Variants in PAAF1 observed in about 807,000 individuals in gnomAD.
PAAF1 encodes proteasomal ATPase associated factor 1, also known as proteasomal ATPase-associated factor 1.
In PAAF1, 46 loss-of-function variants were observed where a neutral mutation model predicts 52.8. The observed-to-expected ratio is 0.87, with a 90% CI of 0.69 to 1.11. PAAF1 has a LOEUF of 1.11. Among genes scored for constraint, PAAF1 ranks in the 50% most tolerant of loss-of-function variants. The pLI is 0.00. For synonymous variants in PAAF1, 178 were observed against 172.8 expected, an observed-to-expected ratio of 1.03 and a Z score of -0.24; for missense variants, 424 against 477.4, an observed-to-expected ratio of 0.89 and a Z score of 1.04.
Position 73,897,874 on chromosome 11 carries a change from C to T in PAAF1, c.283-1272C>T, listed in dbSNP as rs577499689. On this transcript the variant is annotated intron_variant, in intron 4 of 11. Transcript: ENST00000310571. ...GTAGCGAGCCGAGATCACACCACTG[C>T]ACTCCAGCCTGGGGCACCATTGAGC... 7.2e-5 allele frequency among the ~76,000 whole-genome samples: 8 copies of T among 110,918 alleles called. No individual in the cohort carries two copies. The South Asian group carries it at 2.4e-3, about 33-fold the overall frequency. The allele number at this position is 110,918 out of a possible 152,430, so 72.8% of individuals were successfully genotyped here.
At chr11:73,892,436 C>G (rs1949226358) in intron 4 of PAAF1, among the ~76,000 whole-genome samples, 1 of 151,732 alleles carries the variant, frequency 6.6e-6, no homozygotes, top group East Asian at 1.9e-4. Flanking sequence ...AGGAGAATCA[C>G]TCATATTTCT....
chr11:73,898,056 G>C (rs995682418), intron 4 of PAAF1, among the ~76,000 whole-genome samples: 1 of 152,148 alleles, frequency 6.6e-6, no homozygotes, highest in Non-Finnish European at 1.5e-5. Flanking sequence ...GGCGGCGCGC[G>C]CCTGCAATTG....
intron 10 of PAAF1, chr11:73,921,646 C>T (rs941672216): frequency 4.9e-5 from 34 of 695,458 alleles, no homozygotes; most frequent in East Asian, 9.6e-5. Flanking sequence ...GGTGGCTGCC[C>T]GTGCTCCTTT....
intron 6 of PAAF1, among the ~76,000 whole-genome samples, chr11:73,908,891 C>G (rs538799281): frequency 6.6e-6 from 1 of 151,152 alleles, no homozygotes; most frequent in Admixed American, 6.6e-5. Flanking sequence ...CAGGTTCGAG[C>G]GATTCTCCTG....
chr11:73,907,609 C>T (rs902478656), intron 6 of PAAF1, among the ~76,000 whole-genome samples: 6 of 152,204 alleles, frequency 3.9e-5, no homozygotes, highest in Non-Finnish European at 8.8e-5. Context: ...AAACTGAGCT[C>T]ACTGCTAGAT....
intron 10 of PAAF1, among the ~76,000 whole-genome samples, chr11:73,919,751 G>A (rs371764877): frequency 1.3e-5 from 2 of 152,164 alleles, no homozygotes; most frequent in East Asian, 1.9e-4. Flanking sequence ...GAATGATGTA[G>A]GTCAGGAGGA....
At chr11:73,890,329 A>G (rs1317815544) in intron 3 of PAAF1, among the ~76,000 whole-genome samples, 1 of 152,186 alleles carries the variant, frequency 6.6e-6, no homozygotes, top group African/African-American at 2.4e-5. Context: ...ATGGTTACAA[A>G]TGGCCCTTAG....
At position 73,929,032 on chromosome 11, in the gene PAAF1, T is replaced by C. The variant is rs34590823; in HGVS notation, c.*1670T>C. 10,177 of 151,926 alleles carry C rather than the reference T, an allele frequency of 0.067. 398 individuals are homozygous for C. The highest frequency in any genetic ancestry group is 0.1 in the Middle Eastern group (30 of 294). 9.4% of individuals were successfully genotyped at this position (151,926 alleles called of 1,614,324 possible). A position where few individuals can be genotyped will look rare whatever the true frequency, so the allele number is the denominator to read the frequency against. ...CCGTACCCGGCCGGCCACCAGAGTT[T>C]TTAAAGGCGTATTCTCATGTAAATT... On this transcript the variant is annotated 3_prime_UTR_variant, in exon 12 of 12. Coordinates refer to ENST00000310571, the MANE Select transcript of PAAF1 (RefSeq NM_025155.3).
At chr11:73,910,834 C>G (rs1303398198) in intron 7 of PAAF1, among the ~76,000 whole-genome samples, 1 of 151,646 alleles carries the variant, frequency 6.6e-6, no homozygotes, top group Non-Finnish European at 1.5e-5. Flanking sequence ...ACTAAAAATA[C>G]AAAAAATTAG....
intron 10 of PAAF1, among the ~76,000 whole-genome samples, chr11:73,922,389 A>G (rs1950244827): frequency 6.6e-6 from 1 of 152,164 alleles, no homozygotes. Flanking sequence ...AGTTAATTAT[A>G]AAGGAAAAGC....
rs933704096 is a variant in PAAF1, at chr11:73,881,219, A to G, written c.88+2400A>G. The stretch of plus-strand genomic sequence containing the variant: ...TAAAAAAGCAATCTAAGAGCAAAAC[A>G]TCAACTGGGGTTTATATTTTTTTAG... On this transcript the variant is annotated intron_variant, in intron 2 of 11. Coordinates refer to ENST00000310571, the MANE Select transcript of PAAF1 (RefSeq NM_025155.3). Among the ~76,000 whole-genome samples, 5 of 152,242 alleles carry G rather than the reference A, an allele frequency of 3.3e-5. No individual in the cohort carries two copies. In the South Asian group the frequency reaches 1.0e-3, roughly 32 times the overall value.
chr11:73,913,843 A>G (rs12799686), intron 7 of PAAF1, among the ~76,000 whole-genome samples: 8,617 of 152,160 alleles, frequency 0.057, 273 homozygotes, highest in Middle Eastern at 0.099. Flanking sequence ...TTGTATCCCA[A>G]CTCCTAGTGT....
chr11:73,919,636 G>A (rs1950157206), intron 10 of PAAF1, among the ~76,000 whole-genome samples: 1 of 152,198 alleles, frequency 6.6e-6, no homozygotes, highest in South Asian at 2.1e-4. Context: ...GGTAAAGCGA[G>A]TATCTTAATG....
At chr11:73,909,283 T>C (rs1949861321) in intron 6 of PAAF1, 116 bp from the exon 7 acceptor site, 5 of 833,480 alleles carry the variant, frequency 6.0e-6, no homozygotes, top group Non-Finnish European at 9.4e-6. Flanking sequence ...CAGCATGTGG[T>C]ACCTGTTCAG....
chr11:73,881,646 TG>T (rs1338117612), intron 2 of PAAF1, among the ~76,000 whole-genome samples: 1 of 152,106 alleles, frequency 6.6e-6, no homozygotes, highest in Non-Finnish European at 1.5e-5. Flanking sequence ...TTAATGTTGT[TG>T]TTGTTGTTGT....
At chr11:73,887,228 C>T in intron 2 of PAAF1, 126 bp from the exon 3 acceptor site, 1 of 599,712 alleles carries the variant, frequency 1.7e-6, no homozygotes, top group Non-Finnish European at 2.9e-6. Flanking sequence ...ACACAGGCAC[C>T]TGTTTTTCTT....
chr11:73,898,244 GGGAGAA>G (rs563498805), intron 4 of PAAF1, among the ~76,000 whole-genome samples: 5,716 of 136,498 alleles, frequency 0.042, 165 homozygotes, highest in Middle Eastern at 0.083. Context: ...GAGAGGGAGA[GGGAGAA>G]GGAGAGGGAG....
chr11:73,887,344 T>C lies in PAAF1; in HGVS notation c.89-10T>C. Reference sequence around the variant, plus strand: ...TATTTTTTGAGACATGCTTCTTTTGTACCATATAGGGAAACCATCTTTGTA... The same window carrying C: ...TATTTTTTGAGACATGCTTCTTTTGCACCATATAGGGAAACCATCTTTGTA... On this transcript the variant is annotated splice_polypyrimidine_tract_variant and intron_variant, in intron 2 of 11. Coordinates refer to ENST00000310571, the MANE Select transcript of PAAF1 (RefSeq NM_025155.3). 1.3e-6 allele frequency: 2 copies of C among 1,586,976 alleles called. No individual in the cohort carries two copies. The highest frequency in any genetic ancestry group is 3.4e-4 in the Middle Eastern group (2 of 5,940).
chr11:73,891,326 TGATACA>T (rs1949197849), intron 4 of PAAF1, 125 bp downstream of exon 4: 8 of 593,942 alleles, frequency 1.3e-5, no homozygotes, highest in Non-Finnish European at 2.3e-5. Context: ...CATTGTAAGA[TGATACA>T]GCTGATGAAG....
Sources: allele counts gnomAD v4.1 joint callset (sites outside exome capture counted in the v4.1 genomes callset), GRCh38; gene constraint gnomAD v4.1.1; transcripts MANE v1.5; gene names NCBI Gene and HGNC (gene_info 2026-07-23, HGNC 2026-07-21).